PCLO: variants seen among roughly 807,000 people sequenced by gnomAD.
The protein encoded by PCLO is piccolo presynaptic cytomatrix protein, also known as protein piccolo.
Under a neutral mutation model 427.5 loss-of-function variants are expected in PCLO, and 82 were observed. The observed-to-expected ratio is 0.19, with a 90% confidence interval of 0.16 to 0.23. PCLO has a LOEUF of 0.23. Ranked by LOEUF, PCLO falls within the 10% of genes least tolerant of loss-of-function variation. PCLO has a pLI of 1.00. For synonymous variants in PCLO, 2,357 were observed against 2,155.4 expected (o/e 1.09, Z -2.59); for missense variants, 6,239 against 6,115.9 (o/e 1.02, Z -0.67).
chr7:83,050,369 T>C (rs1024923877), intron 3 of PCLO, among the ~76,000 whole-genome samples: 2 of 151,032 alleles, frequency 1.3e-5, no homozygotes, highest in Admixed American at 1.3e-4. Flanking sequence ...AAGTTATTAG[T>C]GGTGGGAGTA....
intron 3 of PCLO, among the ~76,000 whole-genome samples, chr7:83,026,500 A>C (rs1431769182): frequency 1.3e-5 from 2 of 152,070 alleles, no homozygotes; most frequent in Non-Finnish European, 2.9e-5. Context: ...CCACACATTA[A>C]TAATGGGAGA....
intron 10 of PCLO, chr7:82,848,880 T>C: frequency 2.5e-6 from 1 of 393,676 alleles, no homozygotes; most frequent in Admixed American, 2.8e-5. Context: ...CAAGGAAACT[T>C]TATCTTCAGA....
At chr7:82,785,080 C>G (rs1016821224) in intron 22 of PCLO, among the ~76,000 whole-genome samples, 1 of 152,120 alleles carries the variant, frequency 6.6e-6, no homozygotes, top group African/African-American at 2.4e-5. Flanking sequence ...TTTCCTTTAG[C>G]ATCACAAAAC....
At chr7:82,971,476 G>C (rs994747990) in intron 3 of PCLO, among the ~76,000 whole-genome samples, 1 of 148,896 alleles carries the variant, frequency 6.7e-6, no homozygotes, top group African/African-American at 2.5e-5. Flanking sequence ...ACTGCTGGTG[G>C]TCTATTATAT....
intron 3 of PCLO, among the ~76,000 whole-genome samples, chr7:83,006,860 T>G (rs1054640641): frequency 1.3e-5 from 2 of 151,582 alleles, no homozygotes; most frequent in Admixed American, 1.3e-4. Context: ...GATGACCACA[T>G]ATTTAAAATT....
intron 6 of PCLO, among the ~76,000 whole-genome samples, chr7:82,926,498 G>A (rs894913632): frequency 1.1e-4 from 16 of 152,088 alleles, no homozygotes; most frequent in Admixed American, 3.9e-4. Context: ...TTTAAAAGTC[G>A]TACATGTATA....
chr7:82,793,130 GCTCTTCTC>G (rs1192117526), intron 22 of PCLO, among the ~76,000 whole-genome samples: 2 of 151,826 alleles, frequency 1.3e-5, no homozygotes, highest in African/African-American at 4.8e-5. Context: ...TTTTGTCAAT[GCTCTTCTC>G]TCCTGCATGA....
At position 82,952,497 on chromosome 7, in the gene PCLO, G is replaced by C; in HGVS notation, c.8456C>G (p.Ala2819Gly). 6.2e-7 allele frequency: 1 copy of C among 1,613,896 alleles called. No individual in the cohort carries two copies. ...TGTAAGTTGGAGTGGTGTTGTCATT[G>C]CATGTTCTGCACCCACTAGGCTTTC... is the stretch of plus-strand genomic sequence containing the variant. ...GTESLVGAEHAMTTPLQLTTS... is the reference protein window; with the variant it reads ...GTESLVGAEHGMTTPLQLTTS... The change falls in exon 5 of 25, where the codon GCA (alanine) becomes GGA (glycine). Residue 2819 changes from alanine (A) to glycine (G), a missense_variant. Around this residue, in one of 5 missense-constraint regions of PCLO, gnomAD observed 4,677 missense variants for 4,468.4 expected, o/e 1.05. Transcript: ENST00000333891.
At chr7:83,020,385 A>C (rs1788312663) in intron 3 of PCLO, among the ~76,000 whole-genome samples, 1 of 140,384 alleles carries the variant, frequency 7.1e-6, no homozygotes. Flanking sequence ...CTTAATCCCT[A>C]TTTGGTAGTA....
Position 83,162,594 on chromosome 7 carries a change from G to A in PCLO, c.-2C>T. On this transcript the variant is annotated 5_prime_UTR_variant, in exon 1 of 25. Transcript: ENST00000333891. ...TTCCAAGCTCGCCTCGTTGCCCATG[G>A]CTCAGGGAGACTCGGGGCCGCCGCG... is the stretch of plus-strand genomic sequence containing the variant. 1 of 1,537,114 alleles carries A rather than the reference G, an allele frequency of 6.5e-7. No homozygotes were observed. Among genetic ancestry groups the A allele is most frequent in the Non-Finnish European group, 8.8e-7 (1 of 1,142,704 alleles).
intron 4 of PCLO, among the ~76,000 whole-genome samples, chr7:82,960,770 A>G (rs747292089): frequency 3.3e-5 from 5 of 152,218 alleles, no homozygotes; most frequent in African/African-American, 4.8e-5. Flanking sequence ...AATAATATGA[A>G]CGACACAAAT....
chr7:82,919,577 G>T (rs1437223645), intron 6 of PCLO, among the ~76,000 whole-genome samples: 3 of 151,876 alleles, frequency 2.0e-5, no homozygotes, highest in Non-Finnish European at 4.4e-5. Flanking sequence ...ATAAATCTCT[G>T]TTCCAAACCT....
intron 3 of PCLO, among the ~76,000 whole-genome samples, chr7:83,116,568 T>C (rs1056208166): frequency 1.3e-5 from 2 of 152,196 alleles, no homozygotes; most frequent in Non-Finnish European, 2.9e-5. Flanking sequence ...GAAGTATGCA[T>C]AAATTGTGAA....
intron 1 of PCLO, among the ~76,000 whole-genome samples, chr7:83,158,648 C>A (rs1280988942): frequency 6.6e-6 from 1 of 152,056 alleles, no homozygotes; most frequent in South Asian, 2.1e-4. Context: ...AAATAAACTT[C>A]ATGAATGTCA....
intron 4 of PCLO, among the ~76,000 whole-genome samples, chr7:82,964,208 T>C (rs976677047): frequency 6.6e-6 from 1 of 152,156 alleles, no homozygotes; most frequent in Non-Finnish European, 1.5e-5. Context: ...AGAAGTGTGA[T>C]ACCTTCATTG....
intron 3 of PCLO, among the ~76,000 whole-genome samples, chr7:83,014,228 T>C (rs1226644958): frequency 6.6e-6 from 1 of 152,140 alleles, no homozygotes; most frequent in Non-Finnish European, 1.5e-5. Context: ...ATGTCAGAAT[T>C]AGTGATATAA....
chr7:82,797,931 C>T (rs1278987609), intron 22 of PCLO, among the ~76,000 whole-genome samples: 1 of 152,020 alleles, frequency 6.6e-6, no homozygotes, highest in Non-Finnish European at 1.5e-5. Context: ...AATGGACTTG[C>T]TTAATAAGAA....
chr7:82,825,410 T>C (rs909808649), intron 18 of PCLO, among the ~76,000 whole-genome samples: 1 of 151,990 alleles, frequency 6.6e-6, no homozygotes, highest in Non-Finnish European at 1.5e-5. Context: ...TGGCTAGAGC[T>C]GGATGGAACT....
At chr7:83,002,160 G>T (rs931939135) in intron 3 of PCLO, among the ~76,000 whole-genome samples, 1 of 150,762 alleles carries the variant, frequency 6.6e-6, no homozygotes, top group Non-Finnish European at 1.5e-5. Context: ...ACTCCTTTCT[G>T]GATCTCTAAT....
Sources: allele counts gnomAD v4.1 joint callset (sites outside exome capture counted in the v4.1 genomes callset), GRCh38; gene constraint gnomAD v4.1.1; regional missense constraint gnomAD v4.1.1; transcripts MANE v1.5; gene names NCBI Gene and HGNC (gene_info 2026-07-23, HGNC 2026-07-21).